Variants in SLC7A14 observed in about 807,000 individuals in gnomAD.
The protein encoded by SLC7A14 is solute carrier family 7 member 14.
A neutral mutation model predicts 60.2 loss-of-function variants in SLC7A14; 37 were observed. The ratio of observed to expected loss-of-function variants is 0.61; its 90% confidence interval spans 0.47 to 0.81. The LOEUF (loss-of-function observed/expected upper bound fraction) is 0.81. SLC7A14 is among the 30% of genes least tolerant of loss of function. The pLI, the probability that SLC7A14 is intolerant of heterozygous loss-of-function variation, is 0.00. For synonymous variants in SLC7A14, 399 were observed against 395.8 expected (o/e 1.01, Z -0.10); for missense variants, 886 against 982.7 (o/e 0.90, Z 1.32).
At chr3:170,470,308 A>ATTG (rs372412774) in intron 7 of SLC7A14, among the ~76,000 whole-genome samples, 31 of 143,698 alleles carry the variant, frequency 2.2e-4, no homozygotes, top group Middle Eastern at 3.5e-3. Flanking sequence ...TGGAAGGAAC[A>ATTG]TGTGTGTGTG....
intron 1 of SLC7A14, among the ~76,000 whole-genome samples, chr3:170,554,954 G>A (rs1410031560): frequency 1.3e-5 from 2 of 152,046 alleles, no homozygotes; most frequent in African/African-American, 4.8e-5. Flanking sequence ...AGATCATCAG[G>A]TCAGGAGTTC....
chr3:170,484,601 T>G (rs892018216), intron 5 of SLC7A14, among the ~76,000 whole-genome samples: 2 of 152,126 alleles, frequency 1.3e-5, no homozygotes, highest in African/African-American at 4.8e-5. Flanking sequence ...GGTGGTCACA[T>G]GTAGACCATT....
In SLC7A14 at chr3:170,507,418, C is replaced by T. The variant is rs561072114; in HGVS notation, c.305-6073G>A. Among the ~76,000 whole-genome samples, 32 of 152,198 alleles carry T rather than the reference C, an allele frequency of 2.1e-4. No individual in the cohort carries two copies. In the South Asian group the frequency reaches 5.8e-3, roughly 28 times the overall value. On this transcript the variant is annotated intron_variant, in intron 2 of 7. Transcript: ENST00000231706. ...TATGAGGTGTTCTTGGAGCTCAGTG[C>T]GGTGAGCGTGGTTCTTAGGAGCACG...
At chr3:170,545,291 G>A (rs960004665) in intron 1 of SLC7A14, among the ~76,000 whole-genome samples, 1 of 152,136 alleles carries the variant, frequency 6.6e-6, no homozygotes, top group South Asian at 2.1e-4. Context: ...AGCAGTGAAC[G>A]CCTCCCCCAA....
At chr3:170,474,357 C>A (rs1711551672) in intron 7 of SLC7A14, among the ~76,000 whole-genome samples, 1 of 152,146 alleles carries the variant, frequency 6.6e-6, no homozygotes, top group Non-Finnish European at 1.5e-5. Context: ...ATTGCAAAGC[C>A]CTGTGAGTGC....
At chr3:170,492,457 A>G (rs983347274) in intron 4 of SLC7A14, among the ~76,000 whole-genome samples, 1 of 152,160 alleles carries the variant, frequency 6.6e-6, no homozygotes, top group African/African-American at 2.4e-5. Context: ...GTGAGCTGTG[A>G]TCGCACCACT....
At chr3:170,471,712 A>G (rs1399614210) in intron 7 of SLC7A14, among the ~76,000 whole-genome samples, 2 of 152,194 alleles carry the variant, frequency 1.3e-5, no homozygotes, top group Admixed American at 6.5e-5. Context: ...TGCGGAGGGC[A>G]ATCTAATATC....
chr3:170,483,191 C>G, intron 6 of SLC7A14, 123 bp downstream of exon 6: 1 of 1,149,388 alleles, frequency 8.7e-7, no homozygotes, highest in Non-Finnish European at 1.3e-6. Context: ...GGATACATAA[C>G]AAGGTCCACA....
chr3:170,580,486 A>G (rs1161372369), intron 1 of SLC7A14, among the ~76,000 whole-genome samples: 1 of 152,216 alleles, frequency 6.6e-6, no homozygotes, highest in Non-Finnish European at 1.5e-5. Context: ...AGCATCATCT[A>G]CTAGAGGCCA....
chr3:170,515,329 A>AAT (rs202179221), intron 2 of SLC7A14, among the ~76,000 whole-genome samples: 93 of 144,070 alleles, frequency 6.5e-4, no homozygotes, highest in Non-Finnish European at 5.6e-4. Flanking sequence ...CCAAAAAAAA[A>AAT]ATATATATAT....
intron 2 of SLC7A14, among the ~76,000 whole-genome samples, chr3:170,519,143 G>A (rs551436884): frequency 6.6e-6 from 1 of 152,286 alleles, no homozygotes; most frequent in East Asian, 1.9e-4. Context: ...GAATAGTGAA[G>A]TGGAAGGTCA....
At chr3:170,566,099 A>G (rs1649488841) in intron 1 of SLC7A14, among the ~76,000 whole-genome samples, 1 of 152,182 alleles carries the variant, frequency 6.6e-6, no homozygotes. Flanking sequence ...GGCCCAGAGA[A>G]GCAAAGGGAC....
chr3:170,504,798 A>G (rs532033049), intron 2 of SLC7A14, among the ~76,000 whole-genome samples: 1 of 152,252 alleles, frequency 6.6e-6, no homozygotes, highest in Admixed American at 6.5e-5. Context: ...TTAGTGAGGG[A>G]AGCCCTGTAG....
intron 1 of SLC7A14, among the ~76,000 whole-genome samples, chr3:170,547,906 C>T (rs551547816): frequency 6.6e-6 from 1 of 152,190 alleles, no homozygotes; most frequent in East Asian, 1.9e-4. Flanking sequence ...ATAAGCAATG[C>T]TACGGTGGAC....
At chr3:170,501,026 C>A in intron 3 of SLC7A14, 83 bp downstream of exon 3, 5 of 1,367,112 alleles carry the variant, frequency 3.7e-6, no homozygotes, top group Non-Finnish European at 5.2e-6. Flanking sequence ...ATACATTTTG[C>A]CAAATTGCTT....
In SLC7A14 at chr3:170,481,122, G is replaced by A. The variant is rs774040954; in HGVS notation, c.1160C>T (p.Ala387Val). The A allele has an allele frequency of 6.2e-7, 1 of 1,613,970 alleles. No individual in the cohort carries two copies. Among genetic ancestry groups the A allele is most frequent in the Non-Finnish European group, 8.5e-7 (1 of 1,179,982 alleles). Residue 387 changes from alanine (A) to valine (V), a missense_variant, in exon 7 of 8, where the codon GCC (alanine) becomes GTC (valine). Ala to Val is a moderately conservative substitution (Grantham distance 64, BLOSUM62 0). Coordinates refer to ENST00000231706, the MANE Select transcript of SLC7A14 (RefSeq NM_020949.3). ...TGCCAGGAACCCCGACACGATGCAG[G>A]CCACCACTGGTGTCTCTGTGTAGGA... The part of the protein sequence containing the change: ...VSSYTETPVV[A>V]CIVSGFLAAL...
chr3:170,480,776 T>C lies in SLC7A14; in HGVS notation c.1506A>G (p.Ser502=). ...NEMLIGKSDK[S]TYNVNHPNYG... Reference sequence around the variant, plus strand: ...AATTGGGGTGGTTGACGTTGTAGGTTGACTTGTCTGATTTCCCTATGAGCA... The same window carrying C: ...AATTGGGGTGGTTGACGTTGTAGGTCGACTTGTCTGATTTCCCTATGAGCA... The change falls in exon 7 of 8, where the codon TCA becomes TCG. Residue 502 remains serine, a synonymous_variant. Coordinates refer to ENST00000231706, the MANE Select transcript of SLC7A14 (RefSeq NM_020949.3). The C allele has an allele frequency of 6.2e-7, 1 of 1,614,198 alleles. No individual in the cohort carries two copies. The highest frequency in any genetic ancestry group is 8.5e-7 in the Non-Finnish European group (1 of 1,180,030).
chr3:170,557,828 T>C (rs1714530550), intron 1 of SLC7A14, among the ~76,000 whole-genome samples: 1 of 152,226 alleles, frequency 6.6e-6, no homozygotes, highest in African/African-American at 2.4e-5. Flanking sequence ...TTTATTATTA[T>C]TGAGAGGCAA....
At chr3:170,572,410 T>A (rs935434076) in intron 1 of SLC7A14, among the ~76,000 whole-genome samples, 1 of 152,234 alleles carries the variant, frequency 6.6e-6, no homozygotes, top group African/African-American at 2.4e-5. Context: ...CTACTTTATA[T>A]GATTAAATGA....
Sources: gnomAD v4.1 joint callset for allele counts (sites outside exome capture counted in the v4.1 genomes callset) on GRCh38, gnomAD v4.1.1 for gene constraint, MANE v1.5 for transcripts, NCBI Gene and HGNC (gene_info 2026-07-23, HGNC 2026-07-21) for gene names.